The following ACSS3 variants were observed in gnomAD, a reference collection of about 807,000 sequenced individuals.
ACSS3 encodes acyl-CoA synthetase short-chain family member 3, mitochondrial.
ACSS3 carries 64 observed loss-of-function variants against 84.2 expected under a neutral mutation model. The observed-to-expected ratio is 0.76, with a 90% CI of 0.62 to 0.94. The LOEUF is 0.94. ACSS3 is among the 40% of genes least tolerant of loss of function. The pLI is 0.00. For synonymous variants in ACSS3, 317 were observed against 310.1 expected (o/e 1.02, Z -0.23); for missense variants, 815 against 867.6 (o/e 0.94, Z 0.76).
intron 2 of ACSS3, among the ~76,000 whole-genome samples, chr12:81,114,202 T>A (rs1198512480): frequency 6.6e-6 from 1 of 152,154 alleles, no homozygotes; most frequent in Non-Finnish European, 1.5e-5. Flanking sequence ...AATTATGTGT[T>A]AAATTTTCCT....
At chr12:81,117,842 G>A (rs1311552119) in intron 2 of ACSS3, 1 of 152,174 alleles carries the variant, frequency 6.6e-6, no homozygotes, top group Non-Finnish European at 1.5e-5. Flanking sequence ...TTAAGGGATA[G>A]GATAGATACA....
At position 81,078,203 on chromosome 12, in the gene ACSS3, G is replaced by A. The variant is rs775472956; in HGVS notation, c.83G>A (p.Arg28Gln). ...CCCTTGCCTGGGTCCTCTCCGGCCC[G>A]GGGAGCCGGTGCGGCCCTCAGGGCT... is the stretch of plus-strand genomic sequence containing the variant. ...GGPLPGSSPARGAGAALRALV... is the reference protein window; with the variant it reads ...GGPLPGSSPAQGAGAALRALV... The change falls in exon 1 of 16, where the codon CGG becomes CAG. Residue 28 changes from arginine (R) to glutamine (Q), a missense_variant. Arg to Gln is a conservative substitution (Grantham distance 43). Coordinates refer to ENST00000548058, the MANE Select transcript of ACSS3 (RefSeq NM_024560.4). The A allele has an allele frequency of 1.3e-6, 2 of 1,565,702 alleles. No homozygotes were observed. The highest frequency in any genetic ancestry group is 1.7e-6 in the Non-Finnish European group (2 of 1,159,440).
intron 1 of ACSS3, among the ~76,000 whole-genome samples, chr12:81,105,599 C>T (rs1882919736): frequency 1.3e-5 from 2 of 152,114 alleles, no homozygotes; most frequent in African/African-American, 4.8e-5. Context: ...TAAAAACTTC[C>T]CTAGTTACTC....
rs140058342 is a variant in ACSS3 at position 81,238,211 on chromosome 12, C to G, written c.1719+4740C>G. ...CTTTGTATACCTGGGGTAAATTCCA[C>G]CTGGTCATGGTACATAACTCTTTCC... On this transcript the variant is annotated intron_variant, in intron 13 of 15. Coordinates refer to ENST00000548058, the MANE Select transcript of ACSS3 (RefSeq NM_024560.4). 1.6e-4 allele frequency among the ~76,000 whole-genome samples: 24 copies of G among 151,766 alleles called. No individual in the cohort carries two copies. In the East Asian group the frequency reaches 4.3e-3, roughly 27 times the overall value.
At chr12:81,242,216 A>T (rs1053424803) in intron 13 of ACSS3, among the ~76,000 whole-genome samples, 6 of 152,198 alleles carry the variant, frequency 3.9e-5, no homozygotes, top group Admixed American at 1.3e-4. Context: ...ACCATCAGAG[A>T]ATACTACAAA....
intron 7 of ACSS3, among the ~76,000 whole-genome samples, chr12:81,168,201 G>C (rs1379263299): frequency 6.6e-6 from 1 of 152,134 alleles, no homozygotes; most frequent in Non-Finnish European, 1.5e-5. Flanking sequence ...TACCTATCTT[G>C]TGGAACAGAA....
chr12:81,100,954 C>G (rs1042586734), intron 1 of ACSS3, among the ~76,000 whole-genome samples: 1 of 152,154 alleles, frequency 6.6e-6, no homozygotes, highest in Non-Finnish European at 1.5e-5. Context: ...TTACAAATGC[C>G]TAGAAGGAAG....
At chr12:81,239,741 A>G (rs992542688) in intron 13 of ACSS3, among the ~76,000 whole-genome samples, 2 of 152,020 alleles carry the variant, frequency 1.3e-5, no homozygotes, top group South Asian at 4.1e-4. Context: ...TATGGAAGCC[A>G]CAATTCAAGA....
chr12:81,218,134 AAGC>A (rs1311023655), intron 10 of ACSS3, among the ~76,000 whole-genome samples: 6 of 152,192 alleles, frequency 3.9e-5, no homozygotes, highest in African/African-American at 1.4e-4. Context: ...TTATGCAATA[AAGC>A]ATTAACACAG....
intron 2 of ACSS3, among the ~76,000 whole-genome samples, chr12:81,115,280 A>G (rs952346556): frequency 2.6e-5 from 4 of 152,162 alleles, no homozygotes; most frequent in Non-Finnish European, 5.9e-5. Flanking sequence ...GCACTAATTT[A>G]TATTCCTATC....
At chr12:81,245,085 C>T (rs2033938493) in intron 13 of ACSS3, among the ~76,000 whole-genome samples, 1 of 152,090 alleles carries the variant, frequency 6.6e-6, no homozygotes, top group Admixed American at 6.6e-5. Context: ...TTCTGTACTC[C>T]TATGATTAAA....
At chr12:81,179,133 A>T (rs1460963564) in intron 8 of ACSS3, among the ~76,000 whole-genome samples, 1 of 152,102 alleles carries the variant, frequency 6.6e-6, no homozygotes. Context: ...CACCACATAC[A>T]AAAATCAACT....
chr12:81,235,455 T>C (rs2135978326), intron 13 of ACSS3, among the ~76,000 whole-genome samples: 1 of 151,500 alleles, frequency 6.6e-6, no homozygotes, highest in African/African-American at 2.4e-5. Flanking sequence ...AGTCTTGTTG[T>C]AGCTATACTA....
At chr12:81,096,238 AGTGTCAGGAGAGAATTTGTAAGGAGAAT>A (rs982863961) in intron 1 of ACSS3, among the ~76,000 whole-genome samples, 2 of 152,190 alleles carry the variant, frequency 1.3e-5, no homozygotes, top group African/African-American at 4.8e-5. Flanking sequence ...CAGAAGAGAA[AGTGTCAGGAGAGAATTTGTAAGGAGAAT>A]GTGTCAGGAG....
chr12:81,162,987 C>T lies in ACSS3; in HGVS notation c.1098+10891C>T, dbSNP rs181691196. Among the ~76,000 whole-genome samples the T allele has an allele frequency of 2.6e-3, 396 of 152,192 alleles. 3 individuals are homozygous for T. Among genetic ancestry groups the T allele is most frequent in the Middle Eastern group, 3.4e-3 (1 of 292 alleles). The stretch of plus-strand genomic sequence containing the variant: ...CAAGCCTGTGTGGGGACAGGGGCTT[C>T]CTGGGCCTCCGAGAACACAGGGATG... On this transcript the variant is annotated intron_variant, in intron 7 of 15. Transcript: ENST00000548058.
chr12:81,107,511 CATATATATATATATAT>C lies in ACSS3; in HGVS notation c.312-2015_312-2000del, dbSNP rs566270568. ...TTTTTTTTTCAGGTACAAATATATA[CATATATATATATATAT>C]ATATATATATATATATATATATATA... On this transcript the variant is annotated intron_variant, in intron 1 of 15. Transcript: ENST00000548058. Among the ~76,000 whole-genome samples, 150 of 38,848 alleles carry C rather than the reference CATATATATATATATAT, an allele frequency of 3.9e-3. 4 individuals carry two copies. The highest frequency in any genetic ancestry group is 7.3e-3 in the Admixed American group (17 of 2,314). The allele number at this position is 38,848 out of a possible 152,430, so 25.5% of individuals were successfully genotyped here. A position where few individuals can be genotyped will look rare whatever the true frequency, so the allele number is the denominator to read the frequency against.
chr12:81,163,011 T>G (rs1025367272), intron 7 of ACSS3, among the ~76,000 whole-genome samples: 12 of 151,506 alleles, frequency 7.9e-5, no homozygotes, highest in Non-Finnish European at 1.6e-4. Flanking sequence ...AACACAGGGA[T>G]GGCTGGGTGG....
intron 2 of ACSS3, among the ~76,000 whole-genome samples, chr12:81,132,718 T>G (rs1885584465): frequency 6.6e-6 from 1 of 152,168 alleles, no homozygotes; most frequent in Non-Finnish European, 1.5e-5. Flanking sequence ...CACTGTAAAG[T>G]GAGACTGGAT....
At chr12:81,159,561 A>T (rs2135778732) in intron 7 of ACSS3, among the ~76,000 whole-genome samples, 1 of 152,364 alleles carries the variant, frequency 6.6e-6, no homozygotes, top group East Asian at 1.9e-4. Flanking sequence ...TGAATAATTT[A>T]GTCTTTACTT....
Sources: allele counts gnomAD v4.1 joint callset (sites outside exome capture counted in the v4.1 genomes callset), GRCh38; gene constraint gnomAD v4.1.1; transcripts MANE v1.5; gene names NCBI Gene and HGNC (gene_info 2026-07-23, HGNC 2026-07-21).